The following MYO1D variants were observed in gnomAD, a reference collection of about 807,000 sequenced individuals.
MYO1D encodes unconventional myosin-Id.
Under a neutral mutation model 122.0 loss-of-function variants are expected in MYO1D, and 83 were observed. That is an observed-to-expected ratio of 0.68 (90% CI 0.57 to 0.82). The LOEUF is 0.82. MYO1D is among the 40% of genes least tolerant of loss of function. MYO1D has a pLI of 0.00. For synonymous variants in MYO1D, 464 were observed against 446.9 expected (o/e 1.04, Z -0.48); for missense variants, 1,157 against 1,269.5 (o/e 0.91, Z 1.35).
chr17:32,780,568 C>T lies in MYO1D; in HGVS notation c.304+8G>A, dbSNP rs1386606257. 6.2e-7 allele frequency: 1 copy of T among 1,613,150 alleles called. No homozygotes were observed. Among genetic ancestry groups the T allele is most frequent in the Admixed American group, 1.7e-5 (1 of 59,988 alleles). On this transcript the variant is annotated splice_region_variant and intron_variant, in intron 2 of 21. Coordinates refer to ENST00000318217, the MANE Select transcript of MYO1D (RefSeq NM_015194.3). ...ACTTTGGAAATACAGGGGATCCCCT[C>T]CAATTACCTGATATCACAATACAAG... is the stretch of plus-strand genomic sequence containing the variant.
At chr17:32,500,176 C>T (rs370516769) in intron 21 of MYO1D, among the ~76,000 whole-genome samples, 30 of 152,286 alleles carry the variant, frequency 2.0e-4, no homozygotes, top group Middle Eastern at 3.4e-3. Flanking sequence ...AGGTTCTGGA[C>T]GTGCTGGGGC....
At chr17:32,509,713 T>C (rs1053492698) in intron 21 of MYO1D, among the ~76,000 whole-genome samples, 1 of 152,162 alleles carries the variant, frequency 6.6e-6, no homozygotes, top group African/African-American at 2.4e-5. Context: ...CTCAGCCTCC[T>C]GAGTAGCTGG....
At chr17:32,873,055 C>T (rs1218900379) in intron 1 of MYO1D, among the ~76,000 whole-genome samples, 3 of 152,036 alleles carry the variant, frequency 2.0e-5, no homozygotes, top group East Asian at 3.9e-4. Context: ...TGGCAGTTGT[C>T]TAAAAATCAA....
At chr17:32,549,239 C>T (rs1336312357) in intron 21 of MYO1D, among the ~76,000 whole-genome samples, 1 of 152,044 alleles carries the variant, frequency 6.6e-6, no homozygotes, top group Non-Finnish European at 1.5e-5. Context: ...ACTACAGGCA[C>T]ACAGCACCAC....
intron 1 of MYO1D, among the ~76,000 whole-genome samples, chr17:32,844,276 GATAT>G (rs957865343): frequency 2.8e-5 from 4 of 144,532 alleles, no homozygotes; most frequent in African/African-American, 1.0e-4. Context: ...TATCATATAT[GATAT>G]ATATATCATA....
At chr17:32,580,903 C>T (rs577679711) in intron 21 of MYO1D, among the ~76,000 whole-genome samples, 1 of 152,070 alleles carries the variant, frequency 6.6e-6, no homozygotes, top group Admixed American at 6.5e-5. Context: ...GGACATTGGT[C>T]TGTAGTTTTC....
At chr17:32,560,506 A>G (rs1261257452) in intron 21 of MYO1D, among the ~76,000 whole-genome samples, 1 of 137,490 alleles carries the variant, frequency 7.3e-6, no homozygotes, top group Admixed American at 7.2e-5. Flanking sequence ...TTAAGTAAAA[A>G]AAAAGTAATA....
intron 20 of MYO1D, among the ~76,000 whole-genome samples, chr17:32,633,625 G>A (rs1597955182): frequency 6.6e-6 from 1 of 151,858 alleles, no homozygotes; most frequent in African/African-American, 2.4e-5. Context: ...AGCTTGATGA[G>A]TTCTTACAAA....
chr17:32,752,722 A>G (rs1403717840), intron 11 of MYO1D, among the ~76,000 whole-genome samples: 1 of 152,224 alleles, frequency 6.6e-6, no homozygotes, highest in Non-Finnish European at 1.5e-5. Context: ...ACAATAAGAT[A>G]TCGTCTTATA....
intron 1 of MYO1D, among the ~76,000 whole-genome samples, chr17:32,858,422 C>T (rs1015099138): frequency 5.3e-5 from 8 of 152,298 alleles, no homozygotes; most frequent in South Asian, 2.1e-4. Flanking sequence ...TTGTTATTCT[C>T]GTTGCTTCTA....
In MYO1D at chr17:32,610,444, C is replaced by T. The variant is rs186633643; in HGVS notation, c.2710-5203G>A. Among the ~76,000 whole-genome samples, 185 of 152,316 alleles carry T rather than the reference C, an allele frequency of 1.2e-3. 1 individual carries two copies. Among genetic ancestry groups the T allele is most frequent in the Middle Eastern group, 3.4e-3 (1 of 294 alleles). On this transcript the variant is annotated intron_variant, in intron 20 of 21. Coordinates refer to ENST00000318217, the MANE Select transcript of MYO1D (RefSeq NM_015194.3). ...ATTGTTGCCAAAGCAGGACAAACAG[C>T]ACCCAGAACGTCCCCTTTAGTTCTG... is the stretch of plus-strand genomic sequence containing the variant.
chr17:32,677,981 G>A (rs1463609709), intron 16 of MYO1D, among the ~76,000 whole-genome samples: 1 of 152,092 alleles, frequency 6.6e-6, no homozygotes, highest in Non-Finnish European at 1.5e-5. Context: ...CTAAACTCCA[G>A]CATAGACATA....
chr17:32,794,382 A>T (rs2090391490), intron 1 of MYO1D: 1 of 152,138 alleles, frequency 6.6e-6, no homozygotes, highest in Admixed American at 6.5e-5. Context: ...AATGGAAAAC[A>T]ACTGTTTTTG....
chr17:32,769,486 G>A (rs550480726), intron 6 of MYO1D, among the ~76,000 whole-genome samples: 39 of 152,220 alleles, frequency 2.6e-4, no homozygotes, highest in African/African-American at 9.1e-4. Context: ...TCTCCTACTT[G>A]CAACCCAAAA....
At chr17:32,833,710 C>T (rs1027084940) in intron 1 of MYO1D, among the ~76,000 whole-genome samples, 1 of 152,206 alleles carries the variant, frequency 6.6e-6, no homozygotes, top group African/African-American at 2.4e-5. Context: ...TCACTCCAGC[C>T]TTACTGGCCA....
At chr17:32,623,738 G>A (rs933409774) in intron 20 of MYO1D, among the ~76,000 whole-genome samples, 2 of 152,186 alleles carry the variant, frequency 1.3e-5, no homozygotes, top group African/African-American at 4.8e-5. Context: ...AAACAACAGA[G>A]ATTTACTCCT....
At chr17:32,871,079 A>G (rs1378110893) in intron 1 of MYO1D, among the ~76,000 whole-genome samples, 1 of 152,200 alleles carries the variant, frequency 6.6e-6, no homozygotes, top group African/African-American at 2.4e-5. Flanking sequence ...GAGTAAGAGT[A>G]TGGCAGGCAG....
intron 17 of MYO1D, among the ~76,000 whole-genome samples, chr17:32,658,210 AC>A (rs1275233557): frequency 2.6e-5 from 4 of 152,192 alleles, no homozygotes; most frequent in Admixed American, 2.6e-4. Flanking sequence ...ATCTTTTGAT[AC>A]CTTCCATCAA....
chr17:32,612,520 T>TA (rs202029309), intron 20 of MYO1D, among the ~76,000 whole-genome samples: 68 of 146,646 alleles, frequency 4.6e-4, no homozygotes, highest in Non-Finnish European at 5.0e-4. Context: ...AAACCCCAGC[T>TA]AAAAAAAAAA....
Sources: gnomAD v4.1 joint callset for allele counts (sites outside exome capture counted in the v4.1 genomes callset) on GRCh38, gnomAD v4.1.1 for gene constraint, MANE v1.5 for transcripts, NCBI Gene and HGNC (gene_info 2026-07-23, HGNC 2026-07-21) for gene names.